Variants in MVD observed in about 807,000 individuals in gnomAD.
The protein encoded by MVD is diphosphomevalonate decarboxylase.
In MVD, 52 loss-of-function variants were observed where a neutral mutation model predicts 42.4. That is an observed-to-expected ratio of 1.23 (90% CI 0.98 to 1.55). The LOEUF (loss-of-function observed/expected upper bound fraction) is 1.55. Ranked by LOEUF, MVD falls within the 40% of genes most tolerant of loss-of-function variation. The pLI, the probability that MVD is intolerant of heterozygous loss-of-function variation, is 0.00. For missense variants in MVD, 663 were observed against 572.1 expected, an observed-to-expected ratio of 1.16 and a Z score of -1.62; for synonymous variants, 287 against 243.2, an observed-to-expected ratio of 1.18 and a Z score of -1.68.
chr16:88,655,538 G>A (rs1401703442), intron 6 of MVD, 118 bp downstream of exon 6: 8 of 1,505,452 alleles, frequency 5.3e-6, no homozygotes, highest in African/African-American at 4.2e-5. Context: ...GCTCCTGCAC[G>A]TGGTCTTGGC....
At chr16:88,657,397 C>T (rs1478849412) in intron 4 of MVD, 39 bp downstream of exon 4, 1 of 1,554,942 alleles carries the variant, frequency 6.4e-7, no homozygotes, top group Non-Finnish European at 8.7e-7. Flanking sequence ...CTCCTGCGCC[C>T]ACAGCCCAGA....
chr16:88,652,683 C>T, intron 9 of MVD, 78 bp from the exon 10 acceptor site: 2 of 1,383,570 alleles, frequency 1.4e-6, no homozygotes, highest in Non-Finnish European at 2.0e-6. Context: ...GGGCCGGACA[C>T]AGGAGGGTAG....
rs1334401898 is a variant in MVD at position 88,653,389 on chromosome 16, C to T, written c.1033G>A (p.Val345Met). 6.2e-7 allele frequency: 1 copy of T among 1,603,570 alleles called. No homozygotes were observed. Among genetic ancestry groups the T allele is most frequent in the Non-Finnish European group, 8.5e-7 (1 of 1,177,332 alleles). The change falls in exon 9 of 10, where the codon GTG (valine) becomes ATG (methionine). Residue 345 changes from valine (V) to methionine (M), a missense_variant. Physicochemically the swap from Val to Met is conservative, Grantham distance 21. Transcript: ENST00000301012. ...TCAGCTGAGAGAGGGGCCGGCCTCA[C>T]CTGCAGCCCCTTCAGAAACCTGGAA... ...NGDTFLKGLQ[V>M]RPAPLSAELQ...
chr16:88,661,761 C>T (rs557406755), intron 1 of MVD, among the ~76,000 whole-genome samples: 1 of 151,416 alleles, frequency 6.6e-6, no homozygotes, highest in South Asian at 2.1e-4. Flanking sequence ...CCACCAAATG[C>T]TGGTGAGGAT....
At position 88,656,269 on chromosome 16, in the gene MVD, C is replaced by G; in HGVS notation, c.439G>C (p.Asp147His). ...CCCCGGCGAGCCACTTCTGAGAGGT[C>G]ACTCTCCACGCCGTAGACACGGGCC... ...TLARVYGVES[D>H]LSEVARRGSG... Residue 147 changes from aspartate to histidine, a missense_variant, in exon 5 of 10, where the codon GAC becomes CAC. Physicochemically the swap from Asp to His is moderately conservative, Grantham distance 81 (BLOSUM62 -1). Coordinates refer to ENST00000301012, the MANE Select transcript of MVD (RefSeq NM_002461.3). The G allele has an allele frequency of 6.2e-7, 1 of 1,600,192 alleles. No individual in the cohort carries two copies. Among genetic ancestry groups the G allele is most frequent in the South Asian group, 1.1e-5 (1 of 91,082 alleles).
chr16:88,659,687 C>T (rs1290460576), intron 1 of MVD, among the ~76,000 whole-genome samples: 5 of 152,094 alleles, frequency 3.3e-5, no homozygotes, highest in East Asian at 1.9e-4. Flanking sequence ...GACTCCTGGC[C>T]GGGCGCGGTG....
rs1195888326 is a variant in MVD, at chr16:88,663,004, C to T, written c.70+7G>A. 7 of 1,599,060 alleles carry T rather than the reference C, an allele frequency of 4.4e-6. No homozygotes were observed. Among genetic ancestry groups the T allele is most frequent in the African/African-American group, 1.3e-5 (1 of 74,178 alleles). ...ATCCCCGTCCCAGGCCGGCCCGCGG[C>T]ACTCACAGTACTTGATGACCGCGAT... On this transcript the variant is annotated splice_region_variant and intron_variant, in intron 1 of 9. Coordinates refer to ENST00000301012, the MANE Select transcript of MVD (RefSeq NM_002461.3).
Position 88,654,686 on chromosome 16 carries a change from A to G in MVD, c.1013+6T>C, listed in dbSNP as rs1936744108. On this transcript the variant is annotated splice_donor_region_variant and intron_variant, in intron 8 of 9. Coordinates refer to ENST00000301012, the MANE Select transcript of MVD (RefSeq NM_002461.3). Reference sequence around the variant, plus strand: ...AAAAAGGAGGAGGGGCGGGGTCCACACTCACGTGTCTCCATTCGAGCCTGG... The same window carrying G: ...AAAAAGGAGGAGGGGCGGGGTCCACGCTCACGTGTCTCCATTCGAGCCTGG... 1 of 1,592,210 alleles carries G rather than the reference A, an allele frequency of 6.3e-7. No homozygotes were observed. Among genetic ancestry groups the G allele is most frequent in the African/African-American group, 1.4e-5 (1 of 73,228 alleles).
At position 88,654,952 on chromosome 16, in the gene MVD, A is replaced by C. The variant is rs566477588; in HGVS notation, c.898-145T>G. Reference sequence around the variant, plus strand: ...ACACTGGAGTGGAGCTGTGACCCCAAGTGCCTGGTACTTGACACGTCTGCC... The same window carrying C: ...ACACTGGAGTGGAGCTGTGACCCCACGTGCCTGGTACTTGACACGTCTGCC... On this transcript the variant is annotated intron_variant, in intron 7 of 9. Coordinates refer to ENST00000301012, the MANE Select transcript of MVD (RefSeq NM_002461.3). 2.9e-4 allele frequency: 257 copies of C among 901,382 alleles called. 2 individuals carry two copies. The African/African-American group carries it at 4.1e-3, about 14-fold the overall frequency. The allele number at this position is 901,382 out of a possible 1,614,324, so 55.8% of individuals were successfully genotyped here. A position where few individuals can be genotyped will look rare whatever the true frequency, so the allele number is the denominator to read the frequency against.
intron 4 of MVD, 184 bp downstream of exon 4, chr16:88,657,252 A>G: frequency 1.1e-6 from 1 of 877,850 alleles, no homozygotes; most frequent in Non-Finnish European, 1.8e-6. Flanking sequence ...CTGCAACTGG[A>G]AGATGAAAAT....
chr16:88,656,151 A>ACTTGC lies in MVD; in HGVS notation c.552_556dup (p.Val186GlyfsTer19), dbSNP rs746834116. The stretch of plus-strand genomic sequence containing the variant: ...TTCAGGCCAGTGTGACTCGGGGGCC[A>ACTTGC]CTTGCCGAGCGATGCTGTCCTTCCC... On this transcript the variant is annotated frameshift_variant, in exon 5 of 10. Transcript: ENST00000301012. The ACTTGC allele has an allele frequency of 3.1e-6, 5 of 1,601,844 alleles. No homozygotes were observed. In the South Asian group the frequency reaches 4.4e-5, roughly 14 times the overall value.
chr16:88,657,415 C>A (rs369847513), intron 4 of MVD, 21 bp downstream of exon 4: 4 of 1,579,062 alleles, frequency 2.5e-6, no homozygotes, highest in East Asian at 2.3e-5. Context: ...AGAACCCCTG[C>A]GGGTCTCTGT....
chr16:88,655,070 A>G (rs1907817084), intron 7 of MVD, 129 bp downstream of exon 7: 2 of 1,174,908 alleles, frequency 1.7e-6, no homozygotes, highest in Non-Finnish European at 2.4e-6. Context: ...TGAGCTTCGC[A>G]CACAGCAGGG....
intron 7 of MVD, 33 bp from the exon 8 acceptor site, chr16:88,654,840 C>T (rs201354696): frequency 2.1e-5 from 33 of 1,537,230 alleles, no homozygotes; most frequent in South Asian, 3.7e-5. Context: ...TGGCTATTCA[C>T]GTGGTGCCTG....
chr16:88,657,137 G>GA (rs553741059), intron 4 of MVD: 7 of 601,934 alleles, frequency 1.2e-5, no homozygotes, highest in Middle Eastern at 2.7e-4. Flanking sequence ...AGATGGGGGG[G>GA]GGTCTCACTA....
intron 8 of MVD, among the ~76,000 whole-genome samples, chr16:88,654,059 G>A (rs1907749108): frequency 1.3e-5 from 2 of 152,114 alleles, no homozygotes; most frequent in African/African-American, 4.8e-5. Flanking sequence ...CAACAGCCCC[G>A]GGGCGTAAGG....
chr16:88,657,323 G>T, intron 4 of MVD, 113 bp downstream of exon 4: 1 of 1,413,206 alleles, frequency 7.1e-7, no homozygotes, highest in Non-Finnish European at 9.6e-7. Flanking sequence ...GGCCTGGGGT[G>T]AGGGGATGCT....
chr16:88,657,757 G>A (rs1908025620), intron 3 of MVD, 158 bp downstream of exon 3: 3 of 1,228,794 alleles, frequency 2.4e-6, no homozygotes. Context: ...GGTCATTGAG[G>A]TGGGCCACTG....
At chr16:88,660,573 A>AAGCGGAGGTTGCAGTG (rs1908228370) in intron 1 of MVD, 1 of 152,120 alleles carries the variant, frequency 6.6e-6, no homozygotes, top group Admixed American at 6.6e-5. Flanking sequence ...TGAACCCGGG[A>AAGCGGAGGTTGCAGTG]AGCGGAGGTT....
Sources: gnomAD v4.1 joint callset for allele counts (sites outside exome capture counted in the v4.1 genomes callset) on GRCh38, gnomAD v4.1.1 for gene constraint, MANE v1.5 for transcripts, NCBI Gene and HGNC (gene_info 2026-07-23, HGNC 2026-07-21) for gene names.